The following CPEB1 variants were observed in gnomAD, a reference collection of about 807,000 sequenced individuals.
CPEB1 encodes the protein cytoplasmic polyadenylation element-binding protein 1.
In CPEB1, 7 loss-of-function variants were observed where a neutral mutation model predicts 65.8. The ratio of observed to expected loss-of-function variants is 0.11; its 90% CI spans 0.06 to 0.20. CPEB1 has a LOEUF of 0.20. Among genes scored for constraint, CPEB1 ranks in the 10% least tolerant of loss-of-function variants. The probability of loss-of-function intolerance (pLI) is 1.00; values close to 1 mark genes in which losing one functional copy is unlikely to be tolerated. For missense variants in CPEB1, 551 were observed against 712.2 expected, an observed-to-expected ratio of 0.77 and a Z score of 2.58; for synonymous variants, 262 against 260.0, an observed-to-expected ratio of 1.01 and a Z score of -0.08.
chr15:82,601,447 A>G (rs2043114539), intron 3 of CPEB1, among the ~76,000 whole-genome samples: 1 of 152,016 alleles, frequency 6.6e-6, no homozygotes, highest in Admixed American at 6.6e-5. Flanking sequence ...AGTCTGAGAC[A>G]GGACAATCGC....
intron 1 of CPEB1, among the ~76,000 whole-genome samples, chr15:82,639,000 G>A (rs995141876): frequency 5.9e-5 from 9 of 152,218 alleles, no homozygotes; most frequent in African/African-American, 2.2e-4. Context: ...ACACAGTGGG[G>A]TGGGGGAGCA....
chr15:82,562,850 A>G (rs2038466496), intron 4 of CPEB1, among the ~76,000 whole-genome samples: 1 of 151,384 alleles, frequency 6.6e-6, no homozygotes, highest in Non-Finnish European at 1.5e-5. Context: ...AAAAAAAAAG[A>G]CTGGAGGTTA....
At chr15:82,648,229 C>T (rs189993435), upstream of CPEB1, 1 of 251,486 alleles carries the variant, frequency 4.0e-6, no homozygotes, top group African/African-American at 2.2e-5. Flanking sequence ...CCTAAGTGAC[C>T]CTTGCCGAGT....
chr15:82,607,607 C>T (rs2043742266), intron 3 of CPEB1, among the ~76,000 whole-genome samples: 1 of 151,846 alleles, frequency 6.6e-6, no homozygotes, highest in African/African-American at 2.4e-5. Flanking sequence ...AACAAAGACA[C>T]AAAAGACACA....
chr15:82,636,368 T>C (rs1353770649), intron 1 of CPEB1, among the ~76,000 whole-genome samples: 2 of 152,180 alleles, frequency 1.3e-5, no homozygotes, highest in African/African-American at 4.8e-5. Flanking sequence ...CCCTGCATCT[T>C]TGTAGGATCT....
At chr15:82,593,582 T>C (rs1486165422) in intron 3 of CPEB1, among the ~76,000 whole-genome samples, 1 of 152,212 alleles carries the variant, frequency 6.6e-6, no homozygotes. Context: ...CAAATTCCTA[T>C]TCATGTTAAT....
At chr15:82,591,679 T>A (rs1295419905) in intron 3 of CPEB1, among the ~76,000 whole-genome samples, 1 of 152,106 alleles carries the variant, frequency 6.6e-6, no homozygotes, top group Non-Finnish European at 1.5e-5. Context: ...ACACTATCAT[T>A]TCCCTCTAAC....
At chr15:82,622,945 G>C (rs892697303) in intron 3 of CPEB1, among the ~76,000 whole-genome samples, 68 of 152,158 alleles carry the variant, frequency 4.5e-4, no homozygotes, top group African/African-American at 1.6e-3. Context: ...CCAGGGAAGG[G>C]TTGAGCTAAT....
intron 12 of CPEB1, among the ~76,000 whole-genome samples, chr15:82,545,984 TG>T (rs1262914884): frequency 7.1e-6 from 1 of 141,254 alleles, no homozygotes; most frequent in Non-Finnish European, 1.5e-5. Context: ...TTAAGAGTTC[TG>T]GATCAAGCTA....
intron 3 of CPEB1, among the ~76,000 whole-genome samples, chr15:82,578,760 AAAAC>A (rs1024853406): frequency 9.9e-5 from 15 of 152,164 alleles, no homozygotes; most frequent in Non-Finnish European, 1.5e-4. Flanking sequence ...CTGTCTCAAA[AAAAC>A]AAACAAACAA....
intron 3 of CPEB1, among the ~76,000 whole-genome samples, chr15:82,574,808 A>G (rs1423216975): frequency 2.0e-5 from 3 of 152,068 alleles, no homozygotes; most frequent in Non-Finnish European, 4.4e-5. Context: ...TGATACCCAC[A>G]AAATTAATAT....
chr15:82,628,476 C>A lies in CPEB1; in HGVS notation c.-17G>T. 1 of 702,738 alleles carries A rather than the reference C, an allele frequency of 1.4e-6. No individual in the cohort carries two copies. The highest frequency in any genetic ancestry group is 2.6e-6 in the Non-Finnish European group (1 of 384,932). 43.5% of individuals were successfully genotyped at this position (702,738 alleles called of 1,614,324 possible). ...AGAAAACATATTGACATTAGATGAT[C>A]TGGCAAAAGGGTTCCGATTATTCAA... On this transcript the variant is annotated 5_prime_UTR_variant, in exon 2 of 13. Coordinates refer to ENST00000684509, the MANE Select transcript of CPEB1 (RefSeq NM_001365242.1).
At chr15:82,613,835 G>A (rs1461696810) in intron 3 of CPEB1, among the ~76,000 whole-genome samples, 1 of 152,118 alleles carries the variant, frequency 6.6e-6, no homozygotes, top group Non-Finnish European at 1.5e-5. Flanking sequence ...CACCCTGGAT[G>A]GGAGCCTGGA....
At chr15:82,548,342 A>C (rs886471978) in intron 10 of CPEB1, among the ~76,000 whole-genome samples, 1 of 152,174 alleles carries the variant, frequency 6.6e-6, no homozygotes, top group African/African-American at 2.4e-5. Flanking sequence ...TCAAAAAAAA[A>C]ATTTTATTTA....
At chr15:82,646,219 C>T (rs1410390818) in intron 1 of CPEB1, among the ~76,000 whole-genome samples, 1 of 152,228 alleles carries the variant, frequency 6.6e-6, no homozygotes, top group African/African-American at 2.4e-5. Flanking sequence ...GACACTCTTC[C>T]CGCTAGCAAG....
At chr15:82,614,879 G>GTGTGTATA (rs368957489) in intron 3 of CPEB1, among the ~76,000 whole-genome samples, 50 of 113,312 alleles carry the variant, frequency 4.4e-4, no homozygotes, top group Non-Finnish European at 7.5e-4. Flanking sequence ...GTGTGTGTGT[G>GTGTGTATA]TATATATATA....
intron 1 of CPEB1, among the ~76,000 whole-genome samples, chr15:82,637,709 G>T (rs1244360094): frequency 6.6e-6 from 1 of 152,036 alleles, no homozygotes; most frequent in Non-Finnish European, 1.5e-5. Flanking sequence ...CTTCATTCCT[G>T]CCTGGATATT....
rs1595982847 is a variant in CPEB1 at position 82,543,435 on chromosome 15, G to C, written c.*1157C>G. ...ACAGCTTCCCTAGGAGGGGCAAGTA[G>C]TTTTTGTGGGTTTTTTGTTTCTTTT... is the stretch of plus-strand genomic sequence containing the variant. On this transcript the variant is annotated 3_prime_UTR_variant, in exon 13 of 13. Coordinates refer to ENST00000684509, the MANE Select transcript of CPEB1 (RefSeq NM_001365242.1). The C allele has an allele frequency of 8.0e-6, 1 of 125,002 alleles. No individual in the cohort carries two copies. 7.7% of individuals were successfully genotyped at this position (125,002 alleles called of 1,614,324 possible).
At chr15:82,551,163 T>A (rs1226742692) in intron 9 of CPEB1, among the ~76,000 whole-genome samples, 2 of 152,168 alleles carry the variant, frequency 1.3e-5, no homozygotes, top group African/African-American at 4.8e-5. Context: ...GAGCCTGCCC[T>A]CTCTCTAACA....
Sources: gnomAD v4.1 joint callset for allele counts (sites outside exome capture counted in the v4.1 genomes callset) on GRCh38, gnomAD v4.1.1 for gene constraint, MANE v1.5 for transcripts, NCBI Gene and HGNC (gene_info 2026-07-23, HGNC 2026-07-21) for gene names.